CHCHD6: variants seen among roughly 807,000 people sequenced by gnomAD.
CHCHD6 encodes coiled-coil-helix-coiled-coil-helix domain containing 6.
A neutral mutation model predicts 32.3 loss-of-function variants in CHCHD6; 28 were observed. That is an observed-to-expected ratio of 0.87 (90% CI 0.64 to 1.19). The LOEUF is 1.19. Among genes scored for constraint, CHCHD6 ranks in the 50% most tolerant of loss-of-function variants. The pLI, the probability that CHCHD6 is intolerant of heterozygous loss-of-function variation, is 0.00. For synonymous variants in CHCHD6, 122 were observed against 117.5 expected, an observed-to-expected ratio of 1.04 and a Z score of -0.25; for missense variants, 333 against 307.0, an observed-to-expected ratio of 1.08 and a Z score of -0.63.
intron 4 of CHCHD6, among the ~76,000 whole-genome samples, chr3:126,839,740 G>T (rs538304237): frequency 6.6e-6 from 1 of 151,874 alleles, no homozygotes; most frequent in East Asian, 1.9e-4. Context: ...TTAATATTTT[G>T]ATAACTGTAT....
intron 4 of CHCHD6, among the ~76,000 whole-genome samples, chr3:126,795,673 G>A (rs1284212850): frequency 6.6e-6 from 1 of 152,120 alleles, no homozygotes; most frequent in Non-Finnish European, 1.5e-5. Flanking sequence ...ATCTTACCAT[G>A]TTGGCAAGGT....
At chr3:126,721,436 G>A (rs946042533) in intron 1 of CHCHD6, among the ~76,000 whole-genome samples, 1 of 152,168 alleles carries the variant, frequency 6.6e-6, no homozygotes, top group Non-Finnish European at 1.5e-5. Flanking sequence ...CTGTGTCTAA[G>A]TCTGCGCCTG....
At chr3:126,864,944 C>CCATCATCTCCTCCTCCAG (rs1942210176) in intron 5 of CHCHD6, among the ~76,000 whole-genome samples, 2 of 151,400 alleles carry the variant, frequency 1.3e-5, no homozygotes, top group Non-Finnish European at 3.0e-5. Flanking sequence ...TCCTCCTCCA[C>CCATCATCTCCTCCTCCAG]CATCATCTCC....
At chr3:126,704,742 G>T (rs1934393253) in intron 1 of CHCHD6, among the ~76,000 whole-genome samples, 1 of 152,086 alleles carries the variant, frequency 6.6e-6, no homozygotes, top group Non-Finnish European at 1.5e-5. Context: ...CCCCTCAGGT[G>T]CGCGCATCTC....
intron 4 of CHCHD6, among the ~76,000 whole-genome samples, chr3:126,767,968 G>T (rs1274208525): frequency 6.6e-6 from 1 of 152,172 alleles, no homozygotes; most frequent in Non-Finnish European, 1.5e-5. Context: ...TGGTGTACAT[G>T]TACCACATTT....
At chr3:126,859,393 A>G (rs544645368) in intron 5 of CHCHD6, among the ~76,000 whole-genome samples, 1 of 152,188 alleles carries the variant, frequency 6.6e-6, no homozygotes, top group African/African-American at 2.4e-5. Context: ...CTGAGAAAGA[A>G]TAATGGTGCC....
At chr3:126,844,092 A>G (rs1427667763) in intron 4 of CHCHD6, among the ~76,000 whole-genome samples, 1 of 152,220 alleles carries the variant, frequency 6.6e-6, no homozygotes, top group Admixed American at 6.5e-5. Context: ...ATCATAGAAC[A>G]TACTTTGTGT....
At chr3:126,905,008 G>A (rs2077985018) in intron 5 of CHCHD6, among the ~76,000 whole-genome samples, 1 of 152,160 alleles carries the variant, frequency 6.6e-6, no homozygotes, top group African/African-American at 2.4e-5. Flanking sequence ...CTTCCAGGAG[G>A]CTAGGCCAGG....
chr3:126,730,551 TC>T lies in CHCHD6; in HGVS notation c.197-8del. The T allele has an allele frequency of 1.9e-6, 3 of 1,612,876 alleles. No individual in the cohort carries two copies. The highest frequency in any genetic ancestry group is 2.5e-6 in the Non-Finnish European group (3 of 1,179,356). On this transcript the variant is annotated splice_polypyrimidine_tract_variant and intron_variant, in intron 2 of 7. Coordinates refer to ENST00000290913, the MANE Select transcript of CHCHD6 (RefSeq NM_032343.3). Reference sequence around the variant, plus strand: ...CCACTGACAGGCCCTTTCTTCTCTTTCCTTTGCAGAATCCACACTGCCCAGG... The same window carrying T: ...CCACTGACAGGCCCTTTCTTCTCTTTCTTTGCAGAATCCACACTGCCCAGG...
intron 5 of CHCHD6, among the ~76,000 whole-genome samples, chr3:126,864,855 T>TCCTCCACCATCATCTCC (rs1942197535): frequency 4.4e-4 from 9 of 20,370 alleles, no homozygotes; most frequent in Non-Finnish European, 1.7e-4. Flanking sequence ...TCATCTCCTC[T>TCCTCCACCATCATCTCC]TCCTCCTCCA....
At chr3:126,766,100 T>C (rs1559831054) in intron 4 of CHCHD6, among the ~76,000 whole-genome samples, 1 of 151,828 alleles carries the variant, frequency 6.6e-6, no homozygotes, top group African/African-American at 2.4e-5. Flanking sequence ...TGGAAAGGGG[T>C]GTTTTGGGGA....
chr3:126,814,936 G>A (rs968962540), intron 4 of CHCHD6, among the ~76,000 whole-genome samples: 1 of 152,154 alleles, frequency 6.6e-6, no homozygotes, highest in African/African-American at 2.4e-5. Flanking sequence ...TCCATTTCCA[G>A]GTAGGTAATG....
chr3:126,769,358 TGTTCC>T (rs1235453505), intron 4 of CHCHD6, among the ~76,000 whole-genome samples: 1 of 152,228 alleles, frequency 6.6e-6, no homozygotes, highest in Admixed American at 6.5e-5. Context: ...TTCTCTATTC[TGTTCC>T]GTTGGTCTGT....
In CHCHD6 at chr3:126,802,195, C is replaced by T. The variant is rs528392643; in HGVS notation, c.412-50452C>T. ...AAGGAATGCAGTTCCTTACCAGCAA[C>T]GGAACAAAGCTGGATGGAGAATGAC... On this transcript the variant is annotated intron_variant, in intron 4 of 7. Transcript: ENST00000290913. Among the ~76,000 whole-genome samples the T allele has an allele frequency of 8.5e-3, 1,293 of 152,242 alleles. 8 individuals are homozygous for T. The highest frequency in any genetic ancestry group is 0.017 in the Middle Eastern group (5 of 294).
At chr3:126,800,591 A>G (rs1484835677) in intron 4 of CHCHD6, among the ~76,000 whole-genome samples, 1 of 152,216 alleles carries the variant, frequency 6.6e-6, no homozygotes, top group African/African-American at 2.4e-5. Context: ...TGATAAAACT[A>G]CGAGATAAAA....
At chr3:126,863,916 C>CTCT (rs1942105594) in intron 5 of CHCHD6, among the ~76,000 whole-genome samples, 2 of 145,566 alleles carry the variant, frequency 1.4e-5, no homozygotes, top group Admixed American at 6.8e-5. Flanking sequence ...CCTCCTCCTC[C>CTCT]ACCATCGACA....
chr3:126,794,152 T>C (rs1348789696), intron 4 of CHCHD6, among the ~76,000 whole-genome samples: 1 of 152,068 alleles, frequency 6.6e-6, no homozygotes, highest in Admixed American at 6.5e-5. Context: ...CTTTGAGAAA[T>C]TTTCAATCAT....
At chr3:126,706,556 T>G (rs924566582) in intron 1 of CHCHD6, among the ~76,000 whole-genome samples, 1 of 152,108 alleles carries the variant, frequency 6.6e-6, no homozygotes, top group African/African-American at 2.4e-5. Context: ...CTGACTGCTT[T>G]CTTTTCCAGC....
chr3:126,882,717 A>C (rs1236089897), intron 5 of CHCHD6, among the ~76,000 whole-genome samples: 2 of 152,228 alleles, frequency 1.3e-5, no homozygotes, highest in African/African-American at 4.8e-5. Flanking sequence ...TCACACATGC[A>C]AGACTTCTGG....
Sources: gnomAD v4.1 joint callset for allele counts (sites outside exome capture counted in the v4.1 genomes callset) on GRCh38, gnomAD v4.1.1 for gene constraint, MANE v1.5 for transcripts, NCBI Gene and HGNC (gene_info 2026-07-23, HGNC 2026-07-21) for gene names.